The following RAB11FIP1 variants were observed in gnomAD, a reference collection of about 807,000 sequenced individuals.
RAB11FIP1 encodes the protein RAB11 family interacting protein 1.
A neutral mutation model predicts 83.1 loss-of-function variants in RAB11FIP1; 49 were observed. The ratio of observed to expected loss-of-function variants is 0.59; its 90% CI spans 0.47 to 0.75. The LOEUF is 0.75. Among genes scored for constraint, RAB11FIP1 ranks in the 30% least tolerant of loss-of-function variants. The pLI is 0.00. For synonymous variants in RAB11FIP1, 670 were observed against 656.0 expected (o/e 1.02, Z -0.33); for missense variants, 1,536 against 1,598.7 (o/e 0.96, Z 0.67).
At position 37,861,744 on chromosome 8, in the gene RAB11FIP1, A is replaced by G. The variant is rs1006955154; in HGVS notation, c.*1151T>C. 8.5e-6 allele frequency: 3 copies of G among 352,942 alleles called. No homozygotes were observed. Among genetic ancestry groups the G allele is most frequent in the South Asian group, 2.2e-5 (1 of 46,386 alleles). The allele number at this position is 352,942 out of a possible 1,614,324, so 21.9% of individuals were successfully genotyped here. ...GCTGGGATTACAGGCACGCACCACC[A>G]TGCCAAGCTAATTTTTGTATTTTTA... On this transcript the variant is annotated 3_prime_UTR_variant, in exon 6 of 6. Transcript: ENST00000330843.
intron 1 of RAB11FIP1, among the ~76,000 whole-genome samples, chr8:37,879,565 G>A (rs905568606): frequency 3.3e-5 from 5 of 152,078 alleles, no homozygotes; most frequent in African/African-American, 9.7e-5. Context: ...TATTCTTAAT[G>A]ACATTGAACT....
At chr8:37,865,118 G>T (rs1300584365) in intron 5 of RAB11FIP1, among the ~76,000 whole-genome samples, 1 of 151,854 alleles carries the variant, frequency 6.6e-6, no homozygotes, top group Non-Finnish European at 1.5e-5. Flanking sequence ...TAATGGCAAA[G>T]AATACGTCCT....
At chr8:37,897,243 A>G (rs1807107040) in intron 1 of RAB11FIP1, among the ~76,000 whole-genome samples, 4 of 151,566 alleles carry the variant, frequency 2.6e-5, no homozygotes, top group Admixed American at 2.6e-4. Context: ...CAAATATTCC[A>G]TTTGCAAGCC....
At chr8:37,867,276 C>G (rs1806358333) in intron 5 of RAB11FIP1, among the ~76,000 whole-genome samples, 1 of 152,244 alleles carries the variant, frequency 6.6e-6, no homozygotes, top group Non-Finnish European at 1.5e-5. Context: ...CTGCAACACA[C>G]AGAAGCCAGG....
Position 37,899,227 on chromosome 8 carries a change from A to T in RAB11FIP1, c.215T>A (p.Phe72Tyr). 6.3e-7 allele frequency: 1 copy of T among 1,589,062 alleles called. No homozygotes were observed. Among genetic ancestry groups the T allele is most frequent in the Non-Finnish European group, 8.5e-7 (1 of 1,172,360 alleles). ...GAPVWREEAT[F>Y]ELPSLLSSGP... Reference sequence around the variant, plus strand: ...GGAGGACAGCAGCGATGGCAGCTCGAAGGTGGCCTCCTCGCGCCACACGGG... The same window carrying T: ...GGAGGACAGCAGCGATGGCAGCTCGTAGGTGGCCTCCTCGCGCCACACGGG... The change falls in exon 1 of 6, where the codon TTC (phenylalanine) becomes TAC (tyrosine). Residue 72 changes from phenylalanine (F) to tyrosine (Y), a missense_variant. Phe to Tyr is a conservative substitution (Grantham distance 22). Coordinates refer to ENST00000330843, the MANE Select transcript of RAB11FIP1 (RefSeq NM_001002814.3). The surrounding 1 kb of genome is among the most constrained non-coding windows in gnomAD (Gnocchi z 4.5).
chr8:37,899,475 T>G lies in RAB11FIP1; in HGVS notation c.-34A>C. The stretch of plus-strand genomic sequence containing the variant: ...TAACACTCCAGAAGCGAGGAGAAGA[T>G]CGCCGCGACTGGCGGCCTCCACGGC... On this transcript the variant is annotated 5_prime_UTR_variant, in exon 1 of 6. Coordinates refer to ENST00000330843, the MANE Select transcript of RAB11FIP1 (RefSeq NM_001002814.3). The surrounding 1 kb of genome is among the most constrained non-coding windows in gnomAD (Gnocchi z 4.5). 6.7e-7 allele frequency: 1 copy of G among 1,485,822 alleles called. No individual in the cohort carries two copies. The highest frequency in any genetic ancestry group is 8.9e-7 in the Non-Finnish European group (1 of 1,121,542). 92.0% of individuals were successfully genotyped at this position (1,485,822 alleles called of 1,614,324 possible).
At chr8:37,880,631 C>G (rs577570007) in intron 1 of RAB11FIP1, among the ~76,000 whole-genome samples, 2 of 151,712 alleles carry the variant, frequency 1.3e-5, no homozygotes, top group Non-Finnish European at 2.9e-5. Context: ...TGCAGTGGTG[C>G]GTACTTAATA....
chr8:37,866,228 G>A (rs1585427208), intron 5 of RAB11FIP1, among the ~76,000 whole-genome samples: 2 of 152,082 alleles, frequency 1.3e-5, no homozygotes, highest in Admixed American at 6.5e-5. Context: ...CCAGCTACTC[G>A]GGAGGCTGAG....
chr8:37,897,836 A>T (rs932375871), intron 1 of RAB11FIP1, among the ~76,000 whole-genome samples: 2 of 152,158 alleles, frequency 1.3e-5, no homozygotes, highest in African/African-American at 4.8e-5. Flanking sequence ...TCTCTTCACC[A>T]ACCCCCTAGG....
Position 37,859,559 on chromosome 8 carries a change from C to T in RAB11FIP1, c.*3336G>A, listed in dbSNP as rs572401202. 7 of 152,430 alleles carry T rather than the reference C, an allele frequency of 4.6e-5. No homozygotes were observed. Among genetic ancestry groups the T allele is most frequent in the African/African-American group, 1.4e-4 (6 of 41,582 alleles). 9.4% of individuals were successfully genotyped at this position (152,430 alleles called of 1,614,324 possible). On this transcript the variant is annotated 3_prime_UTR_variant, in exon 6 of 6. Transcript: ENST00000330843. ...CTCTGCTGCCTTGATGAGGTGAACACACTGGAATAAGATGGAGGGCAGGAT... is the reference window on the plus strand; with the variant it reads ...CTCTGCTGCCTTGATGAGGTGAACATACTGGAATAAGATGGAGGGCAGGAT...
At position 37,875,968 on chromosome 8, in the gene RAB11FIP1, G is replaced by T. The variant is rs149703240; in HGVS notation, c.815-646C>A. Among the ~76,000 whole-genome samples, 1,228 of 152,250 alleles carry T rather than the reference G, an allele frequency of 8.1e-3. 9 individuals carry two copies. The highest frequency in any genetic ancestry group is 0.014 in the Middle Eastern group (4 of 292). ...CCAGCACTTTGGGAGGCCAAGGCAG[G>T]TGGATCACTTGAGGTCAGGAGTTCA... On this transcript the variant is annotated intron_variant, in intron 2 of 5. Coordinates refer to ENST00000330843, the MANE Select transcript of RAB11FIP1 (RefSeq NM_001002814.3).
intron 2 of RAB11FIP1, among the ~76,000 whole-genome samples, 191 bp from the exon 3 acceptor site, chr8:37,875,513 G>A (rs914752363): frequency 1.3e-5 from 2 of 152,082 alleles, no homozygotes; most frequent in Admixed American, 6.6e-5. Context: ...AGCCCCCCAC[G>A]ACAAAGGCCT....
At chr8:37,873,397 G>C (rs375663487) in intron 3 of RAB11FIP1, 19 of 473,166 alleles carry the variant, frequency 4.0e-5, no homozygotes, top group African/African-American at 2.8e-4. Flanking sequence ...CTGAAGTCAG[G>C]AGTTCAAGAC....
intron 2 of RAB11FIP1, among the ~76,000 whole-genome samples, 155 bp from the exon 3 acceptor site, chr8:37,875,477 A>G (rs1585435555): frequency 6.6e-6 from 1 of 152,306 alleles, no homozygotes; most frequent in East Asian, 1.9e-4. Flanking sequence ...CAAGGATGAT[A>G]CTGAACATCT....
intron 1 of RAB11FIP1, among the ~76,000 whole-genome samples, chr8:37,894,568 T>C (rs1356614391): frequency 1.3e-5 from 2 of 152,076 alleles, no homozygotes; most frequent in Non-Finnish European, 2.9e-5. Context: ...GGTGTTTAGT[T>C]ACACAACAGC....
chr8:37,894,947 C>A (rs1398022289), intron 1 of RAB11FIP1, among the ~76,000 whole-genome samples: 2 of 149,412 alleles, frequency 1.3e-5, no homozygotes, highest in African/African-American at 4.9e-5. Flanking sequence ...TTAGTAGAGA[C>A]AGGGTTCACC....
Position 37,859,078 on chromosome 8 carries a change from G to A in RAB11FIP1, c.*3817C>T, listed in dbSNP as rs1806181607. 1 of 152,124 alleles carries A rather than the reference G, an allele frequency of 6.6e-6. No individual in the cohort carries two copies. The highest frequency in any genetic ancestry group is 2.4e-5 in the African/African-American group (1 of 41,412). 9.4% of individuals were successfully genotyped at this position (152,124 alleles called of 1,614,324 possible). ...AATAATAATTCTATAATCCAAAAAC[G>A]TTGGGCGATCCTTCAGTTGGAGGAA... is the stretch of plus-strand genomic sequence containing the variant. On this transcript the variant is annotated 3_prime_UTR_variant, in exon 6 of 6. Transcript: ENST00000330843.
chr8:37,869,883 T>C (rs1230145967), intron 5 of RAB11FIP1, among the ~76,000 whole-genome samples: 2 of 152,186 alleles, frequency 1.3e-5, no homozygotes, highest in Admixed American at 6.5e-5. Flanking sequence ...TTTTTTAACA[T>C]TTGAAATTAT....
At position 37,862,668 on chromosome 8, in the gene RAB11FIP1, A is replaced by G; in HGVS notation, c.*227T>C. On this transcript the variant is annotated 3_prime_UTR_variant, in exon 6 of 6. Coordinates refer to ENST00000330843, the MANE Select transcript of RAB11FIP1 (RefSeq NM_001002814.3). ...GGCATAAAATATTTACAACCTTGTTAAAGGCACAGTGGCATTTAAAACTAA... is the reference window on the plus strand; with the variant it reads ...GGCATAAAATATTTACAACCTTGTTGAAGGCACAGTGGCATTTAAAACTAA... The G allele has an allele frequency of 2.1e-6, 1 of 477,374 alleles. No homozygotes were observed. The highest frequency in any genetic ancestry group is 3.6e-5 in the East Asian group (1 of 28,142). 29.6% of individuals were successfully genotyped at this position (477,374 alleles called of 1,614,324 possible).
Sources: allele counts gnomAD v4.1 joint callset (sites outside exome capture counted in the v4.1 genomes callset), GRCh38; gene constraint gnomAD v4.1.1; non-coding constraint Gnocchi (gnomAD v3.1); transcripts MANE v1.5; gene names NCBI Gene and HGNC (gene_info 2026-07-23, HGNC 2026-07-21).